UBR1: variants seen among roughly 807,000 people sequenced by gnomAD.
UBR1 encodes the protein E3 ubiquitin-protein ligase UBR1.
UBR1 carries 102 observed loss-of-function variants against 242.1 expected under a neutral mutation model. The observed-to-expected ratio is 0.42, with a 90% CI of 0.36 to 0.50. The LOEUF is 0.50. UBR1 is among the 20% of genes least tolerant of loss of function. The pLI, the probability that UBR1 is intolerant of heterozygous loss-of-function variation, is 0.01. For missense variants in UBR1, 1,772 were observed against 2,101.8 expected (o/e 0.84, Z 3.07); for synonymous variants, 675 against 684.8 (o/e 0.99, Z 0.22).
chr15:42,977,030 T>TA (rs2032302382), intron 38 of UBR1, among the ~76,000 whole-genome samples, 163 bp from the exon 39 acceptor site: 1 of 152,248 alleles, frequency 6.6e-6, no homozygotes, highest in South Asian at 2.1e-4. Flanking sequence ...TATCTTAGAA[T>TA]ATAATGTACC....
chr15:43,102,955 G>A (rs2034256274), intron 1 of UBR1, among the ~76,000 whole-genome samples: 1 of 152,196 alleles, frequency 6.6e-6, no homozygotes, highest in Admixed American at 6.5e-5. Context: ...GATCACTTGA[G>A]GTCAGGAGTT....
intron 41 of UBR1, among the ~76,000 whole-genome samples, chr15:42,964,671 C>T (rs2032076977): frequency 6.6e-6 from 1 of 152,186 alleles, no homozygotes; most frequent in Non-Finnish European, 1.5e-5. Flanking sequence ...TCTTAGACCT[C>T]ATCTCCTGTC....
intron 33 of UBR1, among the ~76,000 whole-genome samples, chr15:42,993,440 T>C (rs2032586835): frequency 6.6e-6 from 1 of 151,672 alleles, no homozygotes; most frequent in South Asian, 2.1e-4. Flanking sequence ...CTCGGCTCAC[T>C]GCAACCTCCA....
intron 33 of UBR1, among the ~76,000 whole-genome samples, chr15:42,992,909 G>C (rs2032578007): frequency 6.6e-6 from 1 of 152,230 alleles, no homozygotes; most frequent in African/African-American, 2.4e-5. Flanking sequence ...GTACTCTTTG[G>C]AACACAGGAG....
At chr15:42,996,643 A>C (rs971656271) in intron 33 of UBR1, among the ~76,000 whole-genome samples, 4 of 152,178 alleles carry the variant, frequency 2.6e-5, no homozygotes, top group Non-Finnish European at 5.9e-5. Context: ...TTTGTAACTT[A>C]GACTATGGTG....
intron 5 of UBR1, among the ~76,000 whole-genome samples, chr15:43,068,362 G>A (rs964426789): frequency 6.6e-6 from 1 of 151,402 alleles, no homozygotes; most frequent in Non-Finnish European, 1.5e-5. Flanking sequence ...GCTAATTTTT[G>A]TATTTTTTGT....
rs569497982 is a variant in UBR1 at position 43,025,258 on chromosome 15, C to T, written c.2584+123G>A. The T allele has an allele frequency of 8.2e-6, 8 of 969,826 alleles. No homozygotes were observed. In the East Asian group the frequency reaches 1.3e-4, roughly 16 times the overall value. 60.1% of individuals were successfully genotyped at this position (969,826 alleles called of 1,614,324 possible). A position where few individuals can be genotyped will look rare whatever the true frequency, so the allele number is the denominator to read the frequency against. ...TAATATGTGAATAAGAAGCAAAAAG[C>T]TCTTTGCACTTCCTTGAGTTGCCCA... On this transcript the variant is annotated intron_variant, in intron 24 of 46. Coordinates refer to ENST00000290650, the MANE Select transcript of UBR1 (RefSeq NM_174916.3).
Position 42,957,963 on chromosome 15 carries a change from T to A in UBR1, c.4835+50A>T, listed in dbSNP as rs747921750. ...AGTTATGGCATATACCAATTGCGAG[T>A]TCAGAAAATGATTTAAAATTACACA... On this transcript the variant is annotated intron_variant, in intron 44 of 46. Transcript: ENST00000290650. 2.0e-6 allele frequency: 3 copies of A among 1,493,450 alleles called. No homozygotes were observed. The African/African-American group carries it at 4.1e-5, about 21-fold the overall frequency. The allele number at this position is 1,493,450 out of a possible 1,614,324, so 92.5% of individuals were successfully genotyped here. A position where few individuals can be genotyped will look rare whatever the true frequency, so the allele number is the denominator to read the frequency against.
At chr15:43,086,779 G>A (rs1400846426) in intron 1 of UBR1, among the ~76,000 whole-genome samples, 1 of 152,170 alleles carries the variant, frequency 6.6e-6, no homozygotes, top group Non-Finnish European at 1.5e-5. Flanking sequence ...CATTAGGGAA[G>A]CACAAATTAA....
intron 37 of UBR1, among the ~76,000 whole-genome samples, chr15:42,979,135 C>T (rs2032336549): frequency 6.6e-6 from 1 of 151,950 alleles, no homozygotes; most frequent in African/African-American, 2.4e-5. Context: ...CCTCGTGATC[C>T]ACCTGCCTTG....
intron 1 of UBR1, among the ~76,000 whole-genome samples, chr15:43,103,306 C>T (rs1265340354): frequency 6.6e-6 from 1 of 152,174 alleles, no homozygotes; most frequent in Non-Finnish European, 1.5e-5. Flanking sequence ...ATTGAGGCTG[C>T]AATGAGTTGT....
chr15:43,058,504 A>T, intron 9 of UBR1, 75 bp from the exon 10 acceptor site: 1 of 925,640 alleles, frequency 1.1e-6, no homozygotes, highest in South Asian at 1.4e-5. Flanking sequence ...TCTGGCTATT[A>T]GAGTGGCAGA....
intron 29 of UBR1, 126 bp downstream of exon 29, chr15:43,015,562 T>C (rs2141297182): frequency 2.9e-6 from 3 of 1,051,688 alleles, no homozygotes; most frequent in Non-Finnish European, 4.3e-6. Context: ...CACTTGTTTA[T>C]CTGCTGACCT....
intron 36 of UBR1, 33 bp from the exon 37 acceptor site, chr15:42,984,026 T>C: frequency 6.4e-7 from 1 of 1,557,228 alleles, no homozygotes. Flanking sequence ...GATAAAAAGA[T>C]GAGGGAAGAT....
chr15:43,026,760 A>G (rs1005245736), intron 22 of UBR1, 97 bp from the exon 23 acceptor site: 7 of 1,048,356 alleles, frequency 6.7e-6, no homozygotes, highest in Non-Finnish European at 9.9e-6. Context: ...AGTCAAATAT[A>G]CAGAAAAAAA....
chr15:43,085,158 G>A (rs1362530390), intron 2 of UBR1, among the ~76,000 whole-genome samples: 1 of 152,236 alleles, frequency 6.6e-6, no homozygotes, highest in Non-Finnish European at 1.5e-5. Flanking sequence ...TTTTGGGATT[G>A]TAGGTTTGGC....
intron 1 of UBR1, among the ~76,000 whole-genome samples, chr15:43,103,751 A>G (rs952412452): frequency 6.6e-6 from 1 of 152,226 alleles, no homozygotes; most frequent in Non-Finnish European, 1.5e-5. Flanking sequence ...TGGAAATTGT[A>G]CGATTGCTTA....
intron 42 of UBR1, among the ~76,000 whole-genome samples, chr15:42,962,249 T>G (rs978616521): frequency 3.3e-5 from 5 of 152,054 alleles, no homozygotes; most frequent in Non-Finnish European, 7.4e-5. Flanking sequence ...GTAATAAAAG[T>G]GATGGAAGGG....
At chr15:42,949,654 C>T (rs1327469064) in intron 46 of UBR1, among the ~76,000 whole-genome samples, 1 of 150,674 alleles carries the variant, frequency 6.6e-6, no homozygotes, top group Non-Finnish European at 1.5e-5. Context: ...CAAAAATTAG[C>T]TGGGCATAGT....
Sources: gnomAD v4.1 joint callset for allele counts (sites outside exome capture counted in the v4.1 genomes callset) on GRCh38, gnomAD v4.1.1 for gene constraint, MANE v1.5 for transcripts, NCBI Gene and HGNC (gene_info 2026-07-23, HGNC 2026-07-21) for gene names.